The following RAPGEF6 variants were observed in gnomAD, a reference collection of about 807,000 sequenced individuals.
RAPGEF6 encodes Rap guanine nucleotide exchange factor 6.
A neutral mutation model predicts 171.4 loss-of-function variants in RAPGEF6; 56 were observed. The observed-to-expected ratio is 0.33, with a 90% CI of 0.26 to 0.41. RAPGEF6 has a LOEUF of 0.41. Among genes scored for constraint, RAPGEF6 ranks in the 10% least tolerant of loss-of-function variants. The probability of loss-of-function intolerance (pLI) is 1.00; values close to 1 mark genes in which losing one functional copy is unlikely to be tolerated. For missense variants in RAPGEF6, 1,674 were observed against 1,921.4 expected (o/e 0.87, Z 2.41); for synonymous variants, 692 against 650.1 (o/e 1.06, Z -0.98).
At chr5:131,484,222 CTTTTTTTT>C (rs751000560) in intron 15 of RAPGEF6, among the ~76,000 whole-genome samples, 2 of 74,108 alleles carry the variant, frequency 2.7e-5, no homozygotes, top group Non-Finnish European at 4.9e-5. Flanking sequence ...ACTGCAGAGG[CTTTTTTTT>C]TTTTTTTTTT....
chr5:131,515,469 G>A (rs244737), intron 7 of RAPGEF6, among the ~76,000 whole-genome samples: 144,142 of 152,170 alleles, frequency 0.95, 68,350 homozygotes, highest in African/African-American at 0.99. Flanking sequence ...ATATAATTCA[G>A]TGCAAAAAAA....
At chr5:131,442,962 G>GT (rs759539068) in intron 22 of RAPGEF6, among the ~76,000 whole-genome samples, 113 of 138,526 alleles carry the variant, frequency 8.2e-4, no homozygotes, top group African/African-American at 1.4e-3. Flanking sequence ...TTTTTTTTTT[G>GT]TTTTTTTTAA....
chr5:131,486,866 GT>G (rs1755928912), intron 15 of RAPGEF6, among the ~76,000 whole-genome samples: 2 of 151,514 alleles, frequency 1.3e-5, no homozygotes, highest in Non-Finnish European at 1.5e-5. Context: ...TCCTAGAAAT[GT>G]TTTTCTTCTC....
intron 1 of RAPGEF6, among the ~76,000 whole-genome samples, chr5:131,605,970 C>A (rs1244958481): frequency 7.6e-6 from 1 of 131,728 alleles, no homozygotes; most frequent in Non-Finnish European, 1.5e-5. Context: ...GCGGAGCTTG[C>A]AGTGAGCTGA....
intron 5 of RAPGEF6, 143 bp from the exon 6 acceptor site, chr5:131,548,333 C>T (rs117308386): frequency 4.7e-5 from 34 of 725,392 alleles, no homozygotes; most frequent in East Asian, 3.0e-4. Flanking sequence ...TATAGCACAA[C>T]GCTCATGAGT....
At chr5:131,530,500 C>A (rs1195383302) in intron 6 of RAPGEF6, among the ~76,000 whole-genome samples, 1 of 152,018 alleles carries the variant, frequency 6.6e-6, no homozygotes, top group Non-Finnish European at 1.5e-5. Context: ...AAAAATAAAA[C>A]CAGTAAAATG....
chr5:131,486,773 A>AG (rs1403084892), intron 15 of RAPGEF6, among the ~76,000 whole-genome samples: 3 of 130,082 alleles, frequency 2.3e-5, no homozygotes, highest in African/African-American at 8.8e-5. Flanking sequence ...TCTGTCCCCC[A>AG]GGCGGGAGTG....
chr5:131,456,368 T>A (rs1753499977), intron 19 of RAPGEF6, among the ~76,000 whole-genome samples: 1 of 152,236 alleles, frequency 6.6e-6, no homozygotes, highest in Non-Finnish European at 1.5e-5. Flanking sequence ...AGACATTACC[T>A]ATTTTAAAGC....
At chr5:131,449,645 A>G (rs964027292) in intron 21 of RAPGEF6, among the ~76,000 whole-genome samples, 10 of 152,222 alleles carry the variant, frequency 6.6e-5, no homozygotes, top group African/African-American at 2.4e-4. Flanking sequence ...TTTCCCATCC[A>G]TACTATGGAA....
At chr5:131,443,360 G>A (rs1752502999) in intron 22 of RAPGEF6, among the ~76,000 whole-genome samples, 1 of 152,162 alleles carries the variant, frequency 6.6e-6, no homozygotes, top group Non-Finnish European at 1.5e-5. Context: ...TTACAGGTGT[G>A]AGCTACCTCA....
In RAPGEF6 at chr5:131,629,770, A is replaced by G. The variant is rs1344200365; in HGVS notation, c.69+5192T>C. On this transcript the variant is annotated intron_variant, in intron 1 of 27. Coordinates refer to ENST00000509018, the MANE Select transcript of RAPGEF6 (RefSeq NM_016340.6). ...CTTGTCTCAAAGAAAAAGAAAAAAA[A>G]AAAAAAGGAAAGAAAAAAAAAAGAA... 4.0e-5 allele frequency among the ~76,000 whole-genome samples: 6 copies of G among 151,756 alleles called. No homozygotes were observed. In the East Asian group the frequency reaches 9.6e-4, roughly 24 times the overall value.
chr5:131,476,378 G>C (rs748656139), intron 16 of RAPGEF6, among the ~76,000 whole-genome samples: 1 of 152,112 alleles, frequency 6.6e-6, no homozygotes, highest in Non-Finnish European at 1.5e-5. Flanking sequence ...CTGAGGTCAG[G>C]AGTTCCAAGT....
chr5:131,516,428 C>T (rs1224363243), intron 7 of RAPGEF6, among the ~76,000 whole-genome samples: 2 of 152,040 alleles, frequency 1.3e-5, no homozygotes, highest in African/African-American at 2.4e-5. Context: ...CTGGTGAAAA[C>T]GTGGCACCAG....
intron 3 of RAPGEF6, among the ~76,000 whole-genome samples, chr5:131,601,175 C>T (rs191752071): frequency 2.0e-5 from 3 of 151,262 alleles, no homozygotes; most frequent in South Asian, 2.1e-4. Context: ...CCTGAGGTCA[C>T]GAGTTCAAGA....
intron 3 of RAPGEF6, among the ~76,000 whole-genome samples, chr5:131,599,033 G>C (rs889697788): frequency 6.6e-6 from 1 of 152,192 alleles, no homozygotes. Context: ...AGCTTAGGCC[G>C]AGCGTGGGGG....
rs1754178039 is a variant in RAPGEF6 at position 131,464,425 on chromosome 5, A to C, written c.2240-144T>G. On this transcript the variant is annotated intron_variant, in intron 17 of 27. Coordinates refer to ENST00000509018, the MANE Select transcript of RAPGEF6 (RefSeq NM_016340.6). ...CAATATTAACAGAAGTCACTGTTGCATTTATTGATAAATATATCCTTTTTT... is the reference window on the plus strand; with the variant it reads ...CAATATTAACAGAAGTCACTGTTGCCTTTATTGATAAATATATCCTTTTTT... 1.1e-5 allele frequency: 7 copies of C among 655,424 alleles called. No individual in the cohort carries two copies. In the South Asian group the frequency reaches 1.3e-4, roughly 12 times the overall value. The allele number at this position is 655,424 out of a possible 1,614,324, so 40.6% of individuals were successfully genotyped here. A position where few individuals can be genotyped will look rare whatever the true frequency, so the allele number is the denominator to read the frequency against.
intron 15 of RAPGEF6, among the ~76,000 whole-genome samples, chr5:131,485,680 T>TG (rs372389669): frequency 2.4e-4 from 37 of 152,370 alleles, no homozygotes; most frequent in African/African-American, 8.9e-4. Context: ...AATTGCCTGT[T>TG]GCTATTTGCT....
At chr5:131,570,880 G>C (rs866903441) in intron 4 of RAPGEF6, among the ~76,000 whole-genome samples, 4 of 151,122 alleles carry the variant, frequency 2.6e-5, no homozygotes, top group African/African-American at 9.7e-5. Context: ...TTAGAGCTAA[G>C]ATTACAGTTG....
chr5:131,461,049 G>C (rs936468455), intron 19 of RAPGEF6, among the ~76,000 whole-genome samples: 1 of 152,140 alleles, frequency 6.6e-6, no homozygotes, highest in African/African-American at 2.4e-5. Flanking sequence ...GCTAAATAAA[G>C]ATCAGAAAAT....
Sources: gnomAD v4.1 joint callset for allele counts (sites outside exome capture counted in the v4.1 genomes callset) on GRCh38, gnomAD v4.1.1 for gene constraint, MANE v1.5 for transcripts, NCBI Gene and HGNC (gene_info 2026-07-23, HGNC 2026-07-21) for gene names.